Variants in ALG13 observed in about 807,000 individuals in gnomAD.
The protein encoded by ALG13 is ALG13 UDP-N-acetylglucosaminyltransferase subunit, also known as UDP-N-acetylglucosamine transferase subunit ALG13.
Under a neutral mutation model 87.8 loss-of-function variants are expected in ALG13, and 11 were observed. The ratio of observed to expected loss-of-function variants is 0.13; its 90% CI spans 0.08 to 0.21. ALG13 has a LOEUF of 0.21. Ranked by LOEUF, ALG13 falls within the 10% of genes least tolerant of loss-of-function variation. The pLI, the probability that ALG13 is intolerant of heterozygous loss-of-function variation, is 1.00. For synonymous variants in ALG13, 320 were observed against 306.3 expected, an observed-to-expected ratio of 1.04 and a Z score of -0.47; for missense variants, 756 against 866.1, an observed-to-expected ratio of 0.87 and a Z score of 1.60.
Position 111,728,159 on chromosome X carries a change from A to AGT in ALG13, c.2248-15_2248-14dup, listed in dbSNP as rs757486083. On this transcript the variant is annotated intron_variant, in intron 18 of 26. Transcript: ENST00000394780. Reference sequence around the variant, plus strand: ...TTTCTGACTATATAGTGAGAACTGCAGTGTGTGTGTGTCTCTCTGATACAG... The same window carrying AGT: ...TTTCTGACTATATAGTGAGAACTGCAGTGTGTGTGTGTGTCTCTCTGATACAG... 45 of 1,205,300 alleles carry AGT rather than the reference A, an allele frequency of 3.7e-5. No homozygotes were observed. Among genetic ancestry groups the AGT allele is most frequent in the Middle Eastern group, 2.4e-4 (1 of 4,209 alleles).
At chrX:111,718,576 G>C (rs909525718) in intron 10 of ALG13, among the ~76,000 whole-genome samples, 9 of 111,851 alleles carry the variant, frequency 8.0e-5, no homozygotes, top group African/African-American at 2.9e-4. Flanking sequence ...TAGAAAGGCA[G>C]GTTCCTGGGC....
At chrX:111,710,754 T>G (rs1411324910) in intron 5 of ALG13, among the ~76,000 whole-genome samples, 1 of 112,292 alleles carries the variant, frequency 8.9e-6, no homozygotes, top group Non-Finnish European at 1.9e-5. Flanking sequence ...TGGAGTGCAG[T>G]GGCACGATCT....
intron 10 of ALG13, among the ~76,000 whole-genome samples, chrX:111,719,016 AT>A (rs1192851236): frequency 6.2e-5 from 6 of 96,294 alleles, no homozygotes; most frequent in Non-Finnish European, 1.0e-4. Context: ...AAAGCTTACA[AT>A]TTTTTTTCTT....
At chrX:111,686,171 C>T in intron 3 of ALG13, 4 of 1,109,701 alleles carry the variant, frequency 3.6e-6, no homozygotes, top group Non-Finnish European at 4.7e-6. Flanking sequence ...TGCCAAAGGG[C>T]CAGGTCAGTA....
At chrX:111,720,847 A>T (rs909205433) in intron 11 of ALG13, among the ~76,000 whole-genome samples, 9 of 110,411 alleles carry the variant, frequency 8.2e-5, no homozygotes, top group Non-Finnish European at 1.5e-4. Context: ...ACACTTCCTG[A>T]ATAGCTCTGA....
intron 21 of ALG13, among the ~76,000 whole-genome samples, chrX:111,732,542 A>G (rs1016296574): frequency 1.8e-5 from 2 of 111,834 alleles, no homozygotes; most frequent in Non-Finnish European, 3.8e-5. Flanking sequence ...GAACACTGAC[A>G]TTTCTGGTCA....
chrX:111,685,239 TG>T, intron 3 of ALG13, 136 bp downstream of exon 3: 2 of 674,813 alleles, frequency 3.0e-6, no homozygotes, highest in East Asian at 6.8e-5. Flanking sequence ...TTTTCTCAGC[TG>T]TAAAATCCTC....
chrX:111,752,889 G>A, intron 25 of ALG13, 59 bp downstream of exon 25: 1 of 929,480 alleles, frequency 1.1e-6, no homozygotes, highest in Middle Eastern at 2.7e-4. Flanking sequence ...AGACCGTTTT[G>A]ATAATCAGAC....
intron 3 of ALG13, chrX:111,689,297 T>C (rs532547238): frequency 1.3e-6 from 1 of 751,587 alleles, no homozygotes; most frequent in African/African-American, 2.3e-5. Flanking sequence ...AGAGAATCTT[T>C]AGTGTTTTCT....
chrX:111,728,368 T>G (rs184017415), intron 19 of ALG13, 63 bp downstream of exon 19: 2 of 1,153,842 alleles, frequency 1.7e-6, no homozygotes, highest in African/African-American at 3.6e-5. Context: ...ATCAGGCCAG[T>G]GAAGTAGACC....
At chrX:111,683,708 A>G (rs762811925) in intron 2 of ALG13, among the ~76,000 whole-genome samples, 9 of 110,869 alleles carry the variant, frequency 8.1e-5, no homozygotes, top group African/African-American at 1.3e-4. Context: ...TCACTTATCA[A>G]TCTCCTTGCT....
At chrX:111,741,667 G>A (rs926033122) in intron 23 of ALG13, among the ~76,000 whole-genome samples, 6 of 110,643 alleles carry the variant, frequency 5.4e-5, no homozygotes, top group African/African-American at 2.0e-4. Context: ...ACAAAAATTA[G>A]CCAGGCATGG....
rs1238751751 is a variant in ALG13 at position 111,724,975 on chromosome X, T to C, written c.1643T>C (p.Val548Ala). Reference sequence around the variant, plus strand: ...GCTAACTTAAAACCAGTTACCCAAGTGATGTCTGTTCCTGCCTGGAATGCT... The same window carrying C: ...GCTAACTTAAAACCAGTTACCCAAGCGATGTCTGTTCCTGCCTGGAATGCT... ...PLANLKPVTQ[V>A]MSVPAWNAMP... The change falls in exon 15 of 27, where the codon GTG becomes GCG. Residue 548 changes from valine (V) to alanine (A), a missense_variant. Val to Ala is a moderately conservative substitution (Grantham distance 64). Around this residue, in one of 9 missense-constraint regions of ALG13, gnomAD observed 362 missense variants for 383.5 expected, o/e 0.94. Transcript: ENST00000394780. The C allele has an allele frequency of 2.5e-6, 3 of 1,208,819 alleles. No individual in the cohort carries two copies. The highest frequency in any genetic ancestry group is 4.4e-5 in the Admixed American group (2 of 45,739).
At chrX:111,698,079 A>G (rs1473049346) in intron 3 of ALG13, among the ~76,000 whole-genome samples, 1 of 112,237 alleles carries the variant, frequency 8.9e-6, no homozygotes, top group Non-Finnish European at 1.9e-5. Flanking sequence ...CAGCAGTTGT[A>G]TGTCCTATTC....
chrX:111,695,164 G>T (rs771792337), intron 3 of ALG13, among the ~76,000 whole-genome samples: 22 of 111,624 alleles, frequency 2.0e-4, no homozygotes, highest in African/African-American at 6.5e-4. Context: ...AATGTTCTGG[G>T]TTTTTTCCCT....
intron 3 of ALG13, among the ~76,000 whole-genome samples, chrX:111,698,957 C>T (rs1170459587): frequency 9.0e-6 from 1 of 111,628 alleles, no homozygotes; most frequent in Non-Finnish European, 1.9e-5. Flanking sequence ...AATGGCTGTA[C>T]TAATTTACAT....
At chrX:111,752,918 A>C in intron 25 of ALG13, 88 bp downstream of exon 25, 1 of 645,531 alleles carries the variant, frequency 1.5e-6, no homozygotes, top group Non-Finnish European at 2.4e-6. Context: ...TTCGAAAGCC[A>C]AAATCACTAA....
intron 3 of ALG13, 144 bp from the exon 4 acceptor site, chrX:111,707,883 C>T (rs191138006): frequency 3.0e-6 from 2 of 663,345 alleles, no homozygotes; most frequent in Non-Finnish European, 4.3e-6. Flanking sequence ...TTTTCTCAAC[C>T]TTGGTCTGAT....
chrX:111,711,866 A>G (rs765375487), intron 6 of ALG13, 141 bp downstream of exon 6: 2 of 554,777 alleles, frequency 3.6e-6, no homozygotes, highest in African/African-American at 4.7e-5. Context: ...TAGTTCTCAC[A>G]TAAGTTTAGA....
Sources: allele counts gnomAD v4.1 joint callset (sites outside exome capture counted in the v4.1 genomes callset), GRCh38; gene constraint gnomAD v4.1.1; regional missense constraint gnomAD v4.1.1; transcripts MANE v1.5; gene names NCBI Gene and HGNC (gene_info 2026-07-23, HGNC 2026-07-21).